The following HTR2C variants were observed in gnomAD, a reference collection of about 807,000 sequenced individuals.
The protein encoded by HTR2C is 5-hydroxytryptamine (serotonin) receptor 2C, G protein-coupled.
A neutral mutation model predicts 21.0 loss-of-function variants in HTR2C; 5 were observed. The observed-to-expected ratio is 0.24, with a 90% CI of 0.12 to 0.50. The LOEUF is 0.50. Ranked by LOEUF, HTR2C falls within the 20% of genes least tolerant of loss-of-function variation. HTR2C has a pLI of 0.98. For synonymous variants in HTR2C, 150 were observed against 145.3 expected (o/e 1.03, Z -0.23); for missense variants, 271 against 371.2 (o/e 0.73, Z 2.22).
At chrX:114,646,098 T>C (rs1930349771) in intron 2 of HTR2C, among the ~76,000 whole-genome samples, 1 of 112,003 alleles carries the variant, frequency 8.9e-6, no homozygotes, top group Admixed American at 9.5e-5. Flanking sequence ...AAATATTGAG[T>C]AGATTAATTA....
chrX:114,766,584 T>A (rs1418783218), intron 4 of HTR2C, among the ~76,000 whole-genome samples: 1 of 111,755 alleles, frequency 8.9e-6, no homozygotes, highest in African/African-American at 3.2e-5. Context: ...AACTCTATCT[T>A]GAAAGTTGTC....
At chrX:114,828,972 T>A (rs917543551) in intron 4 of HTR2C, among the ~76,000 whole-genome samples, 2 of 111,976 alleles carry the variant, frequency 1.8e-5, no homozygotes, top group Admixed American at 1.9e-4. Flanking sequence ...TATTCATCTG[T>A]CAGTTGATAG....
intron 4 of HTR2C, among the ~76,000 whole-genome samples, chrX:114,786,861 T>C (rs2070179661): frequency 9.0e-6 from 1 of 111,307 alleles, no homozygotes; most frequent in Non-Finnish European, 1.9e-5. Flanking sequence ...GGTGGGATTT[T>C]TGTTTTTTTG....
At chrX:114,755,296 G>A (rs1249898720) in intron 4 of HTR2C, among the ~76,000 whole-genome samples, 1 of 108,049 alleles carries the variant, frequency 9.3e-6, no homozygotes, top group Non-Finnish European at 1.9e-5. Flanking sequence ...GAGGTCAAAA[G>A]TCTGAAATCA....
intron 4 of HTR2C, among the ~76,000 whole-genome samples, chrX:114,736,865 C>T (rs1221053575): frequency 9.0e-6 from 1 of 111,239 alleles, no homozygotes; most frequent in Non-Finnish European, 1.9e-5. Flanking sequence ...CATCTTGGAA[C>T]CATAAATTTT....
At chrX:114,861,704 G>A (rs1220224547) in intron 5 of HTR2C, among the ~76,000 whole-genome samples, 1 of 110,585 alleles carries the variant, frequency 9.0e-6, no homozygotes, top group Non-Finnish European at 1.9e-5. Flanking sequence ...ATCTCATAAC[G>A]GTTTTGACTT....
At chrX:114,678,386 A>C (rs1931637642) in intron 2 of HTR2C, among the ~76,000 whole-genome samples, 1 of 110,573 alleles carries the variant, frequency 9.0e-6, no homozygotes. Context: ...CTTCCCACCT[A>C]TATTCTTACT....
intron 5 of HTR2C, among the ~76,000 whole-genome samples, chrX:114,875,546 A>T (rs1010817929): frequency 1.8e-5 from 2 of 111,173 alleles, no homozygotes; most frequent in Non-Finnish European, 3.8e-5. Flanking sequence ...TTCAGTTTTT[A>T]CATTTAAGTC....
At chrX:114,752,575 C>G (rs2147368811) in intron 4 of HTR2C, among the ~76,000 whole-genome samples, 1 of 111,270 alleles carries the variant, frequency 9.0e-6, no homozygotes, top group African/African-American at 3.3e-5. Context: ...TGACATAGCT[C>G]TGTACATAAA....
chrX:114,873,675 A>T (rs1391406710), intron 5 of HTR2C, among the ~76,000 whole-genome samples: 1 of 111,574 alleles, frequency 9.0e-6, no homozygotes, highest in Non-Finnish European at 1.9e-5. Flanking sequence ...CAAATTTAAA[A>T]ACTTATATAT....
chrX:114,751,621 A>G (rs1487945134), intron 4 of HTR2C, among the ~76,000 whole-genome samples: 1 of 111,770 alleles, frequency 8.9e-6, no homozygotes, highest in Non-Finnish European at 1.9e-5. Flanking sequence ...GAATTGGATC[A>G]GTGCCTCAAC....
chrX:114,722,683 C>T (rs1309149585), intron 2 of HTR2C, among the ~76,000 whole-genome samples: 5 of 103,549 alleles, frequency 4.8e-5, no homozygotes, highest in East Asian at 3.1e-4. Context: ...TTTTGAGATA[C>T]ATCCCATCAA....
intron 4 of HTR2C, among the ~76,000 whole-genome samples, chrX:114,796,580 G>A (rs1381146578): frequency 9.0e-6 from 1 of 111,643 alleles, no homozygotes; most frequent in Non-Finnish European, 1.9e-5. Context: ...AAACTGCAGA[G>A]GAGGCAAACT....
chrX:114,717,077 T>C (rs1548591), intron 2 of HTR2C, among the ~76,000 whole-genome samples: 1 of 111,225 alleles, frequency 9.0e-6, no homozygotes, highest in Non-Finnish European at 1.9e-5. Flanking sequence ...GACTATATTC[T>C]ACAATTTCTT....
intron 4 of HTR2C, among the ~76,000 whole-genome samples, chrX:114,805,213 G>T (rs1406286640): frequency 9.1e-6 from 1 of 109,951 alleles, no homozygotes; most frequent in Non-Finnish European, 1.9e-5. Context: ...ATTTTTTCTT[G>T]CCCTTTTTGC....
intron 2 of HTR2C, among the ~76,000 whole-genome samples, chrX:114,725,395 G>A (rs1171865557): frequency 9.0e-6 from 1 of 110,762 alleles, no homozygotes; most frequent in Non-Finnish European, 1.9e-5. Context: ...CTCTGTATTG[G>A]TTATTCTAGT....
intron 4 of HTR2C, among the ~76,000 whole-genome samples, chrX:114,790,733 C>T (rs141239426): frequency 1.4e-3 from 156 of 111,856 alleles, no homozygotes; most frequent in African/African-American, 4.9e-3. Flanking sequence ...TAACTTCCAA[C>T]AATATATTAA....
chrX:114,764,912 T>C (rs868920631), intron 4 of HTR2C, among the ~76,000 whole-genome samples: 1 of 70,112 alleles, frequency 1.4e-5, no homozygotes, highest in Non-Finnish European at 2.7e-5. Flanking sequence ...TCTTTCTTTC[T>C]TTCTTTCTTT....
chrX:114,734,564 T>TAAA (rs61672860), intron 4 of HTR2C, among the ~76,000 whole-genome samples: 3 of 34,317 alleles, frequency 8.7e-5, no homozygotes, highest in African/African-American at 2.6e-4. Context: ...GCCTTACATG[T>TAAA]AAAAAAAAAA....
Sources: allele counts gnomAD v4.1 joint callset (sites outside exome capture counted in the v4.1 genomes callset), GRCh38; gene constraint gnomAD v4.1.1; transcripts MANE v1.5; gene names NCBI Gene and HGNC (gene_info 2026-07-23, HGNC 2026-07-21).